Variants in OTOG observed in about 807,000 individuals in gnomAD.
OTOG encodes otogelin.
OTOG carries 296 observed loss-of-function variants against 313.8 expected under a neutral mutation model. The ratio of observed to expected loss-of-function variants is 0.94; its 90% confidence interval spans 0.86 to 1.04. The LOEUF (loss-of-function observed/expected upper bound fraction) is 1.04. OTOG is among the 50% of genes least tolerant of loss of function. The probability of loss-of-function intolerance (pLI) is 0.00; values close to 1 mark genes in which losing one functional copy is unlikely to be tolerated. For synonymous variants in OTOG, 1,533 were observed against 1,554.9 expected, an observed-to-expected ratio of 0.99 and a Z score of 0.33; for missense variants, 3,948 against 3,840.1, an observed-to-expected ratio of 1.03 and a Z score of -0.74.
At chr11:17,583,920 C>A (rs1368012120) in intron 23 of OTOG, among the ~76,000 whole-genome samples, 5 of 152,102 alleles carry the variant, frequency 3.3e-5, no homozygotes, top group African/African-American at 1.2e-4. Context: ...CATCTTAACA[C>A]CAGTAAGTCC....
In OTOG at chr11:17,559,533, G is replaced by T; in HGVS notation, c.1214-1G>T. On this transcript the variant is annotated splice_acceptor_variant, in intron 11 of 55. Coordinates refer to ENST00000399397, the MANE Select transcript of OTOG (RefSeq NM_001292063.2). LOFTEE classifies it high-confidence loss of function. ...GAGACCATGGATCCCTCCTTCCCAA[G>T]CTGTGCACTGCAAGGAGAAGGCCTT... 1 of 1,550,646 alleles carries T rather than the reference G, an allele frequency of 6.4e-7. No individual in the cohort carries two copies. The highest frequency in any genetic ancestry group is 8.7e-7 in the Non-Finnish European group (1 of 1,147,016).
At chr11:17,552,585 T>TCACCTGTACTGTGTCC (rs1851964922) in intron 4 of OTOG, among the ~76,000 whole-genome samples, 9 of 59,194 alleles carry the variant, frequency 1.5e-4, no homozygotes, top group African/African-American at 5.6e-4. Context: ...GTCCTGTGTC[T>TCACCTGTACTGTGTCC]CCCACCTGTC....
At chr11:17,553,021 T>G in intron 4 of OTOG, 98 bp from the exon 5 acceptor site, 1 of 1,091,842 alleles carries the variant, frequency 9.2e-7, no homozygotes, top group Non-Finnish European at 1.3e-6. Flanking sequence ...GGGCTGCCTG[T>G]TATGGGGGTC....
At chr11:17,593,119 TCCTCCAC>T in intron 25 of OTOG, 67 bp from the exon 26 acceptor site, 1 of 1,411,428 alleles carries the variant, frequency 7.1e-7, no homozygotes, top group South Asian at 1.4e-5. Context: ...GAGAGCGTGT[TCCTCCAC>T]CTCTGTACCT....
chr11:17,558,337 TC>T, intron 9 of OTOG, 22 bp downstream of exon 9: 1 of 1,549,722 alleles, frequency 6.5e-7, no homozygotes. Flanking sequence ...GGGGAGAAAC[TC>T]CCCTACCCTA....
At chr11:17,597,969 T>C (rs1019487729) in intron 30 of OTOG, among the ~76,000 whole-genome samples, 13 of 152,262 alleles carry the variant, frequency 8.5e-5, no homozygotes, top group Admixed American at 7.2e-4. Context: ...GCATTGCATG[T>C]ACAGCACTTG....
chr11:17,604,213 A>T, intron 32 of OTOG, among the ~76,000 whole-genome samples: 1 of 152,176 alleles, frequency 6.6e-6, no homozygotes, highest in East Asian at 1.9e-4. Flanking sequence ...AGGCGAAGTC[A>T]CTCGAATATT....
chr11:17,572,591 C>T (rs1328647343), intron 18 of OTOG, among the ~76,000 whole-genome samples: 2 of 152,202 alleles, frequency 1.3e-5, no homozygotes, highest in African/African-American at 2.4e-5. Flanking sequence ...GACTGCTCTC[C>T]TCTCCAGGCC....
intron 23 of OTOG, among the ~76,000 whole-genome samples, chr11:17,579,707 A>G (rs1321989767): frequency 2.0e-5 from 3 of 152,154 alleles, no homozygotes; most frequent in Non-Finnish European, 4.4e-5. Flanking sequence ...TTGTGACACC[A>G]TCCTGGGTGC....
chr11:17,605,775 G>C, intron 32 of OTOG, 82 bp from the exon 33 acceptor site: 4 of 1,424,870 alleles, frequency 2.8e-6, no homozygotes, highest in Non-Finnish European at 3.8e-6. Flanking sequence ...GTCGCTGAGA[G>C]AGCAGATGTG....
intron 15 of OTOG, among the ~76,000 whole-genome samples, chr11:17,564,681 G>A (rs1315666695): frequency 6.6e-6 from 1 of 152,178 alleles, no homozygotes; most frequent in African/African-American, 2.4e-5. Flanking sequence ...TAATGACAAT[G>A]ATAAAATATT....
At position 17,612,299 on chromosome 11, in the gene OTOG, G is replaced by A; in HGVS notation, c.6261G>A (p.Gly2087=). The A allele has an allele frequency of 6.5e-7, 1 of 1,539,978 alleles. No homozygotes were observed. The change falls in exon 37 of 56, where the codon GGG becomes GGA. Residue 2087 remains glycine (G), a synonymous_variant. Transcript: ENST00000399397. ...GILGLAVRVG[G]DRCCPLWECA... Reference sequence around the variant, plus strand: ...TGGGCCTCGCCGTGCGGGTGGGTGGGGACCGCTGCTGCCCACTCTGGGAGT... The same window carrying A: ...TGGGCCTCGCCGTGCGGGTGGGTGGAGACCGCTGCTGCCCACTCTGGGAGT...
At position 17,580,765 on chromosome 11, in the gene OTOG, A is replaced by G. The variant is rs1469053679; in HGVS notation, c.2759+2239A>G. ...ATATTTATTGTGTTTCTACTAGGTGATAGGCAGTGTGCCCAGGCCTGTAAG... is the reference window on the plus strand; with the variant it reads ...ATATTTATTGTGTTTCTACTAGGTGGTAGGCAGTGTGCCCAGGCCTGTAAG... On this transcript the variant is annotated intron_variant, in intron 23 of 55. Coordinates refer to ENST00000399397, the MANE Select transcript of OTOG (RefSeq NM_001292063.2). 2.0e-5 allele frequency among the ~76,000 whole-genome samples: 3 copies of G among 152,318 alleles called. No homozygotes were observed. The East Asian group carries it at 5.8e-4, about 29-fold the overall frequency.
chr11:17,547,392 C>G lies in OTOG; in HGVS notation c.20C>G (p.Ala7Gly), dbSNP rs901675098. 1.4e-6 allele frequency: 2 copies of G among 1,416,374 alleles called. No homozygotes were observed. The highest frequency in any genetic ancestry group is 3.1e-5 in the South Asian group (2 of 65,080). The allele number at this position is 1,416,374 out of a possible 1,614,324, so 87.7% of individuals were successfully genotyped here. MGVLAS[A>G]LCWLLCVWLP... The stretch of plus-strand genomic sequence containing the variant: ...GTCCCTATGGGAGTCCTGGCGTCTG[C>G]GCTCTGCTGGCTGCTTTGTGTCTGG... Residue 7 changes from alanine to glycine, a missense_variant, in exon 1 of 56, where the codon GCG (alanine) becomes GGG (glycine). Physicochemically the swap from Ala to Gly is moderately conservative, Grantham distance 60. Transcript: ENST00000399397.
In OTOG at chr11:17,547,975, C is replaced by G. The variant is rs961916581; in HGVS notation, c.143C>G (p.Ala48Gly). The G allele has an allele frequency of 3.4e-6, 2 of 594,094 alleles. No homozygotes were observed. The highest frequency in any genetic ancestry group is 3.3e-5 in the Admixed American group (1 of 30,392). The allele number at this position is 594,094 out of a possible 1,614,324, so 36.8% of individuals were successfully genotyped here. The change falls in exon 2 of 56, where the codon GCC (alanine) becomes GGC (glycine). Residue 48 changes from alanine to glycine, a missense_variant. Physicochemically the swap from Ala to Gly is moderately conservative, Grantham distance 60. Coordinates refer to ENST00000399397, the MANE Select transcript of OTOG (RefSeq NM_001292063.2). ...WGSAEPQPEP[A>G]GQPSSSHQEA... ...AGTGCAGAGCCACAGCCAGAGCCAG[C>G]CGGGCAACCCAGGTGAGTAGGTGTG...
intron 28 of OTOG, among the ~76,000 whole-genome samples, chr11:17,595,637 G>A (rs1023968002): frequency 6.6e-6 from 1 of 152,188 alleles, no homozygotes; most frequent in Non-Finnish European, 1.5e-5. Context: ...CCTTGCAACT[G>A]TAGGGCTGGG....
intron 16 of OTOG, among the ~76,000 whole-genome samples, chr11:17,569,725 T>C (rs1396140838): frequency 6.6e-6 from 1 of 152,192 alleles, no homozygotes; most frequent in African/African-American, 2.4e-5. Context: ...GGAGTGGGGA[T>C]GCACTGGGTG....
At chr11:17,631,556 C>T in intron 40 of OTOG, 146 bp from the exon 41 acceptor site, 1 of 678,622 alleles carries the variant, frequency 1.5e-6, no homozygotes, top group East Asian at 2.7e-5. Flanking sequence ...TTCCTAGCTT[C>T]CCTTCACCTA....
At position 17,557,274 on chromosome 11, in the gene OTOG, G is replaced by A. The variant is rs1386322674; in HGVS notation, c.816G>A (p.Leu272=). ...AGCTTCTGGGCTGGACCCATGGGCT[G>A]TGTGGGAACAACAATGCTGACCCCA... is the stretch of plus-strand genomic sequence containing the variant. ...SPELLGWTHG[L]CGNNNADPKD... Residue 272 remains leucine, a synonymous_variant, in exon 8 of 56, where the codon CTG becomes CTA. Transcript: ENST00000399397. 5.2e-6 allele frequency: 8 copies of A among 1,550,544 alleles called. No individual in the cohort carries two copies. The highest frequency in any genetic ancestry group is 3.9e-5 in the Admixed American group (2 of 50,992).
Sources: allele counts gnomAD v4.1 joint callset (sites outside exome capture counted in the v4.1 genomes callset), GRCh38; gene constraint gnomAD v4.1.1; transcripts MANE v1.5; gene names NCBI Gene and HGNC (gene_info 2026-07-23, HGNC 2026-07-21).